The following MIS18A variants were observed in gnomAD, a reference collection of about 807,000 sequenced individuals.
MIS18A encodes the protein MIS18 kinetochore protein A, also known as protein Mis18-alpha.
Under a neutral mutation model 25.0 loss-of-function variants are expected in MIS18A, and 14 were observed. That is an observed-to-expected ratio of 0.56 (90% CI 0.37 to 0.88). The LOEUF is 0.88. Ranked by LOEUF, MIS18A falls within the 40% of genes least tolerant of loss-of-function variation. The pLI, the probability that MIS18A is intolerant of heterozygous loss-of-function variation, is 0.00. For missense variants in MIS18A, 292 were observed against 290.8 expected (o/e 1.00, Z -0.03); for synonymous variants, 134 against 118.6 (o/e 1.13, Z -0.84).
downstream of MIS18A, among the ~76,000 whole-genome samples, chr21:32,263,263 T>C (rs1282497242): frequency 6.6e-6 from 1 of 152,198 alleles, no homozygotes; most frequent in African/African-American, 2.4e-5. Context: ...TTTTGGGTTT[T>C]CTCCAGGAGA....
the MIS18A span, among the ~76,000 whole-genome samples, chr21:32,208,421 T>C: frequency 1.3e-5 from 2 of 152,138 alleles, no homozygotes; most frequent in East Asian, 1.9e-4. Flanking sequence ...CCCCCTCTCT[T>C]GCCCTTGCTT....
the MIS18A span, among the ~76,000 whole-genome samples, chr21:32,159,807 C>G: frequency 6.6e-6 from 1 of 152,192 alleles, no homozygotes; most frequent in Non-Finnish European, 1.5e-5. Context: ...TTGAGGTTAT[C>G]TGAAGACCTA....
At chr21:32,162,799 G>A in the MIS18A span, among the ~76,000 whole-genome samples, 4 of 152,122 alleles carry the variant, frequency 2.6e-5, no homozygotes, top group Non-Finnish European at 4.4e-5. Context: ...TACAGCTCCC[G>A]AAAGTGAACT....
chr21:32,188,826 G>C, the MIS18A span, among the ~76,000 whole-genome samples: 1 of 152,180 alleles, frequency 6.6e-6, no homozygotes, highest in Non-Finnish European at 1.5e-5. Flanking sequence ...CATGAAAAGA[G>C]AATGGAGAAC....
downstream of MIS18A, among the ~76,000 whole-genome samples, chr21:32,266,969 C>CAT (rs1049621412): frequency 7.8e-6 from 1 of 127,498 alleles, no homozygotes; most frequent in Non-Finnish European, 1.8e-5. Context: ...ACAAGTTAAA[C>CAT]ACACACACAC....
intron 4 of MIS18A, 140 bp downstream of exon 4, chr21:32,269,567 T>C (rs1449851318): frequency 1.8e-6 from 1 of 567,114 alleles, no homozygotes; most frequent in Admixed American, 3.6e-5. Context: ...AAATCAACTT[T>C]ACTAACAACT....
the MIS18A span, among the ~76,000 whole-genome samples, chr21:32,208,721 T>C: frequency 1.3e-5 from 2 of 152,196 alleles, no homozygotes; most frequent in African/African-American, 4.8e-5. Context: ...GAACCACCAA[T>C]TTACAGGAGC....
intron 2 of MIS18A, among the ~76,000 whole-genome samples, chr21:32,271,123 C>T (rs2031707284): frequency 6.6e-6 from 1 of 152,136 alleles, no homozygotes; most frequent in South Asian, 2.1e-4. Context: ...TTGAATATAC[C>T]CTCCCCCAAA....
chr21:32,277,033 T>C (rs571693017), intron 1 of MIS18A, among the ~76,000 whole-genome samples: 1 of 152,288 alleles, frequency 6.6e-6, no homozygotes, highest in Non-Finnish European at 1.5e-5. Context: ...GTACAGAATG[T>C]AAATGTATAA....
At chr21:32,197,800 G>A in the MIS18A span, 39 of 152,264 alleles carry the variant, frequency 2.6e-4, no homozygotes, top group Admixed American at 7.8e-4. Flanking sequence ...GCTCATTCCA[G>A]ACACAGAGCT....
At chr21:32,157,683 T>G in the MIS18A span, among the ~76,000 whole-genome samples, 12 of 152,174 alleles carry the variant, frequency 7.9e-5, no homozygotes, top group East Asian at 1.9e-3. Flanking sequence ...GGCTCAGAGT[T>G]TTGTTGCCCT....
chr21:32,156,160 C>T, the MIS18A span, among the ~76,000 whole-genome samples: 1 of 151,750 alleles, frequency 6.6e-6, no homozygotes, highest in Non-Finnish European at 1.5e-5. Context: ...ATGTCATTTA[C>T]AAATCAAACA....
chr21:32,227,620 C>T, the MIS18A span, among the ~76,000 whole-genome samples: 1 of 151,998 alleles, frequency 6.6e-6, no homozygotes, highest in East Asian at 1.9e-4. Flanking sequence ...TGAATTCTAC[C>T]AAAACTTTAA....
At chr21:32,192,107 T>C in the MIS18A span, among the ~76,000 whole-genome samples, 1 of 152,154 alleles carries the variant, frequency 6.6e-6, no homozygotes, top group South Asian at 2.1e-4. Flanking sequence ...TGGTGCTGAT[T>C]GAATTGAGCT....
the MIS18A span, among the ~76,000 whole-genome samples, chr21:32,241,258 G>A: frequency 1.3e-5 from 2 of 151,418 alleles, no homozygotes; most frequent in South Asian, 2.1e-4. Context: ...TGGTTATTAC[G>A]AAAGTAGAAC....
chr21:32,174,592 A>T, the MIS18A span, among the ~76,000 whole-genome samples: 5 of 152,226 alleles, frequency 3.3e-5, no homozygotes, highest in African/African-American at 1.2e-4. Flanking sequence ...CAAAACTTGC[A>T]TGTGTTTAAT....
the MIS18A span, among the ~76,000 whole-genome samples, chr21:32,220,756 C>T: frequency 1.3e-5 from 2 of 151,908 alleles, no homozygotes; most frequent in African/African-American, 4.8e-5. Flanking sequence ...GACTTGCTAA[C>T]TAGAATAACC....
At chr21:32,239,412 T>C in the MIS18A span, among the ~76,000 whole-genome samples, 1 of 152,166 alleles carries the variant, frequency 6.6e-6, no homozygotes, top group East Asian at 1.9e-4. Context: ...GGACTAAAAA[T>C]TCCTCGGAAC....
chr21:32,241,676 C>T, the MIS18A span, among the ~76,000 whole-genome samples: 1 of 152,186 alleles, frequency 6.6e-6, no homozygotes, highest in Non-Finnish European at 1.5e-5. Context: ...TTCTGACATT[C>T]TTTCCTCCCC....
Sources: gnomAD v4.1 joint callset for allele counts (sites outside exome capture counted in the v4.1 genomes callset) on GRCh38, gnomAD v4.1.1 for gene constraint, MANE v1.5 for transcripts, NCBI Gene and HGNC (gene_info 2026-07-23, HGNC 2026-07-21) for gene names.